ZMIZ1: variants seen among roughly 807,000 people sequenced by gnomAD.
The protein encoded by ZMIZ1 is zinc finger MIZ-type containing 1.
In ZMIZ1, 17 loss-of-function variants were observed where a neutral mutation model predicts 113.9. That is an observed-to-expected ratio of 0.15 (90% CI 0.10 to 0.22). ZMIZ1 has a LOEUF of 0.22. Among genes scored for constraint, ZMIZ1 ranks in the 10% least tolerant of loss-of-function variants. The pLI, the probability that ZMIZ1 is intolerant of heterozygous loss-of-function variation, is 1.00. For missense variants in ZMIZ1, 1,059 were observed against 1,477.8 expected (o/e 0.72, Z 4.65); for synonymous variants, 607 against 603.1 (o/e 1.01, Z -0.09).
At chr10:79,272,272 C>T (rs552305090) in intron 7 of ZMIZ1, among the ~76,000 whole-genome samples, 5 of 151,574 alleles carry the variant, frequency 3.3e-5, no homozygotes, top group African/African-American at 1.2e-4. Context: ...GGTGACAGAA[C>T]AAGACTGTCT....
chr10:79,104,083 T>G (rs1272296694), intron 1 of ZMIZ1, among the ~76,000 whole-genome samples: 1 of 152,148 alleles, frequency 6.6e-6, no homozygotes, highest in Non-Finnish European at 1.5e-5. Context: ...GCTCTGGAAT[T>G]TTTCACAGCA....
intron 7 of ZMIZ1, among the ~76,000 whole-genome samples, chr10:79,248,825 T>C (rs1320354743): frequency 6.6e-6 from 1 of 152,144 alleles, no homozygotes; most frequent in Non-Finnish European, 1.5e-5. Flanking sequence ...TTTAAATCAA[T>C]GTGTGCATTT....
intron 8 of ZMIZ1, among the ~76,000 whole-genome samples, chr10:79,278,083 A>C (rs1852418980): frequency 6.6e-6 from 1 of 152,276 alleles, no homozygotes; most frequent in African/African-American, 2.4e-5. Context: ...CACTGCAGGC[A>C]GACCTGGGTC....
At position 79,132,543 on chromosome 10, in the gene ZMIZ1, G is replaced by A. The variant is rs567726356; in HGVS notation, c.-226-7139G>A. Reference sequence around the variant, plus strand: ...CTAAAAGTTTGGACAACCCATGCCCGTAAAAGTATACTACATGGGATGAGA... The same window carrying A: ...CTAAAAGTTTGGACAACCCATGCCCATAAAAGTATACTACATGGGATGAGA... On this transcript the variant is annotated intron_variant, in intron 2 of 24. Transcript: ENST00000334512. 3.3e-5 allele frequency among the ~76,000 whole-genome samples: 5 copies of A among 152,240 alleles called. No homozygotes were observed. In the South Asian group the frequency reaches 6.2e-4, roughly 19 times the overall value.
intron 4 of ZMIZ1, among the ~76,000 whole-genome samples, chr10:79,186,819 C>T (rs1442925136): frequency 3.3e-5 from 5 of 152,222 alleles, no homozygotes; most frequent in African/African-American, 9.6e-5. Flanking sequence ...CCGTGCCACC[C>T]GCCAGGCTGA....
At chr10:79,090,020 T>C (rs897984359) in intron 1 of ZMIZ1, among the ~76,000 whole-genome samples, 10 of 152,214 alleles carry the variant, frequency 6.6e-5, no homozygotes, top group Non-Finnish European at 1.2e-4. Context: ...TTTTAAGGCT[T>C]CTGCAACCAG....
intron 1 of ZMIZ1, among the ~76,000 whole-genome samples, chr10:79,092,181 C>CGG (rs1843003067): frequency 6.6e-6 from 1 of 152,188 alleles, no homozygotes; most frequent in Non-Finnish European, 1.5e-5. Context: ...TCTGCAACTC[C>CGG]ACCCAGCCTG....
chr10:79,209,479 G>A (rs1020109446), intron 6 of ZMIZ1, among the ~76,000 whole-genome samples: 2 of 152,258 alleles, frequency 1.3e-5, no homozygotes, highest in Non-Finnish European at 2.9e-5. Flanking sequence ...AAGGCCCTGA[G>A]TCCACTTTGA....
intron 23 of ZMIZ1, among the ~76,000 whole-genome samples, chr10:79,308,238 G>GT (rs1406342970): frequency 6.6e-6 from 1 of 152,178 alleles, no homozygotes; most frequent in Non-Finnish European, 1.5e-5. Flanking sequence ...TTTAACAAGC[G>GT]TTTTTTGAGC....
intron 8 of ZMIZ1, among the ~76,000 whole-genome samples, chr10:79,281,014 T>G (rs1852704151): frequency 6.6e-6 from 1 of 152,218 alleles, no homozygotes; most frequent in African/African-American, 2.4e-5. Flanking sequence ...CTTCCCAAGC[T>G]TCTCTCCTCC....
intron 3 of ZMIZ1, among the ~76,000 whole-genome samples, chr10:79,152,431 T>C (rs1221900743): frequency 2.6e-5 from 4 of 151,812 alleles, no homozygotes; most frequent in Non-Finnish European, 5.9e-5. Flanking sequence ...GCCCAGGAGG[T>C]CGAAGCTACA....
In ZMIZ1 at chr10:79,291,117, C is replaced by T. The variant is rs973671831; in HGVS notation, c.699C>T (p.Tyr233=). Residue 233 remains tyrosine (Y), a synonymous_variant, in exon 10 of 25, where the codon TAC becomes TAT. Coordinates refer to ENST00000334512, the MANE Select transcript of ZMIZ1 (RefSeq NM_020338.4). ...FSAKAGPAQP[Y]IQQSMYGRPN... is the part of the protein sequence containing the mutation. ...CCAAGGCTGGCCCCGCTCAGCCCTA[C>T]ATCCAGCAGAGCATGTATGGCCGGC... 3.1e-6 allele frequency: 5 copies of T among 1,614,160 alleles called. No individual in the cohort carries two copies. The highest frequency in any genetic ancestry group is 2.2e-5 in the South Asian group (2 of 91,092).
intron 1 of ZMIZ1, among the ~76,000 whole-genome samples, chr10:79,095,382 C>T (rs75092476): frequency 0.04 from 6,151 of 152,306 alleles, 393 homozygotes; most frequent in African/African-American, 0.13. Flanking sequence ...AAAACAATAA[C>T]CATGATACCG....
chr10:79,232,673 A>C (rs112507634), intron 7 of ZMIZ1, among the ~76,000 whole-genome samples: 15 of 152,248 alleles, frequency 9.9e-5, no homozygotes, highest in African/African-American at 3.1e-4. Flanking sequence ...ACATCATCCT[A>C]CTACTACTGC....
chr10:79,168,228 G>A (rs1323071875), intron 4 of ZMIZ1, among the ~76,000 whole-genome samples: 4 of 152,202 alleles, frequency 2.6e-5, no homozygotes, highest in South Asian at 2.1e-4. Context: ...GCTCGTCTCC[G>A]TCCACTGCAG....
rs561012729 is a variant in ZMIZ1 at position 79,202,743 on chromosome 10, C to A, written c.60+1051C>A. Among the ~76,000 whole-genome samples the A allele has an allele frequency of 4.6e-5, 7 of 152,350 alleles. No individual in the cohort carries two copies. In the East Asian group the frequency reaches 1.4e-3, roughly 29 times the overall value. ...TGACGTGCCCACCTGCTGGGCCCAGCTCCCACTGCCCAGGCTGGCAGCTTC... is the reference window on the plus strand; with the variant it reads ...TGACGTGCCCACCTGCTGGGCCCAGATCCCACTGCCCAGGCTGGCAGCTTC... On this transcript the variant is annotated intron_variant, in intron 5 of 24. Coordinates refer to ENST00000334512, the MANE Select transcript of ZMIZ1 (RefSeq NM_020338.4).
chr10:79,178,741 C>G (rs530392191), intron 4 of ZMIZ1, among the ~76,000 whole-genome samples: 10 of 152,222 alleles, frequency 6.6e-5, no homozygotes, highest in African/African-American at 2.4e-4. Flanking sequence ...TCAGCCCAGC[C>G]GGAGAGAGGG....
At chr10:79,283,175 T>C (rs1440904812) in intron 8 of ZMIZ1, among the ~76,000 whole-genome samples, 1 of 152,214 alleles carries the variant, frequency 6.6e-6, no homozygotes, top group Non-Finnish European at 1.5e-5. Context: ...GCCTTCCTCC[T>C]TCTTATAGGT....
chr10:79,271,169 A>G (rs546378835), intron 7 of ZMIZ1, among the ~76,000 whole-genome samples: 4 of 152,334 alleles, frequency 2.6e-5, no homozygotes, highest in African/African-American at 9.6e-5. Context: ...GGCCCCCACC[A>G]TCTCCATGAA....
Sources: gnomAD v4.1 joint callset for allele counts (sites outside exome capture counted in the v4.1 genomes callset) on GRCh38, gnomAD v4.1.1 for gene constraint, MANE v1.5 for transcripts, NCBI Gene and HGNC (gene_info 2026-07-23, HGNC 2026-07-21) for gene names.